The following SLC2A2 variants were observed in gnomAD, a reference collection of about 807,000 sequenced individuals.
SLC2A2 encodes solute carrier family 2, facilitated glucose transporter member 2.
SLC2A2 carries 36 observed loss-of-function variants against 54.5 expected under a neutral mutation model. The ratio of observed to expected loss-of-function variants is 0.66; its 90% CI spans 0.51 to 0.87. The LOEUF is 0.87. Ranked by LOEUF, SLC2A2 falls within the 40% of genes least tolerant of loss-of-function variation. The probability of loss-of-function intolerance (pLI) is 0.00; values close to 1 mark genes in which losing one functional copy is unlikely to be tolerated. For synonymous variants in SLC2A2, 223 were observed against 219.1 expected (o/e 1.02, Z -0.16); for missense variants, 543 against 624.3 (o/e 0.87, Z 1.39).
intron 4 of SLC2A2, 47 bp downstream of exon 4, chr3:171,009,911 A>AGGTG (rs1715796582): frequency 7.8e-7 from 1 of 1,274,414 alleles, no homozygotes; most frequent in Non-Finnish European, 1.0e-6. Context: ...AGACAAAGGT[A>AGGTG]GGTGTGTGTG....
intron 7 of SLC2A2, 69 bp from the exon 8 acceptor site, chr3:171,002,749 A>G: frequency 1.1e-6 from 1 of 873,582 alleles, no homozygotes; most frequent in South Asian, 1.4e-5. Flanking sequence ...AGCAAGAAAT[A>G]TTTTAGATTG....
intron 5 of SLC2A2, among the ~76,000 whole-genome samples, chr3:171,006,653 G>T (rs1715618162): frequency 6.6e-6 from 1 of 151,964 alleles, no homozygotes; most frequent in South Asian, 2.1e-4. Context: ...GTAGGTGTGG[G>T]GTCCCAGACT....
At position 170,998,293 on chromosome 3, in the gene SLC2A2, T is replaced by C. The variant is rs2108233129; in HGVS notation, c.1274A>G (p.Glu425Gly). Residue 425 changes from glutamate (E) to glycine (G), a missense_variant, in exon 10 of 11, where the codon GAG becomes GGG. Glu to Gly is a moderately conservative substitution (Grantham distance 98). Around this residue, in one of 3 missense-constraint regions of SLC2A2, gnomAD observed 117 missense variants for 179.2 expected, o/e 0.65. Coordinates refer to ENST00000314251, the MANE Select transcript of SLC2A2 (RefSeq NM_000340.2). ...PGPIPWFMVA[E>G]FFSQGPRPAA... ...AGGACGTGGTCCTTGACTGAAAAACTCAGCCACCATGAACCAGGGGATCGG... is the reference window on the plus strand; with the variant it reads ...AGGACGTGGTCCTTGACTGAAAAACCCAGCCACCATGAACCAGGGGATCGG... 6.2e-7 allele frequency: 1 copy of C among 1,613,776 alleles called. No homozygotes were observed. Among genetic ancestry groups the C allele is most frequent in the Non-Finnish European group, 8.5e-7 (1 of 1,179,804 alleles).
chr3:171,020,105 C>G (rs1049428312), intron 1 of SLC2A2, among the ~76,000 whole-genome samples: 26 of 152,114 alleles, frequency 1.7e-4, no homozygotes, highest in Admixed American at 1.4e-3. Context: ...AGCCACTTCC[C>G]TTATAGGAGC....
chr3:170,996,553 C>G lies in SLC2A2; in HGVS notation c.*1350G>C. ...TGGTGGAGAAAACAGCCTAGAGATACGTTAGCACCCTGCTAAGCTTTTGGG... is the reference window on the plus strand; with the variant it reads ...TGGTGGAGAAAACAGCCTAGAGATAGGTTAGCACCCTGCTAAGCTTTTGGG... On this transcript the variant is annotated 3_prime_UTR_variant, in exon 11 of 11. Coordinates refer to ENST00000314251, the MANE Select transcript of SLC2A2 (RefSeq NM_000340.2). 2.5e-6 allele frequency: 1 copy of G among 397,666 alleles called. No homozygotes were observed. The allele number at this position is 397,666 out of a possible 1,614,324, so 24.6% of individuals were successfully genotyped here. A position where few individuals can be genotyped will look rare whatever the true frequency, so the allele number is the denominator to read the frequency against.
chr3:170,998,308 C>G lies in SLC2A2; in HGVS notation c.1259G>C (p.Trp420Ser). ...ACTGAAAAACTCAGCCACCATGAAC[C>G]AGGGGATCGGGCCTGGCCCAATTTC... ...FFEIGPGPIP[W>S]FMVAEFFSQG... The change falls in exon 10 of 11, where the codon TGG becomes TCG. Residue 420 changes from tryptophan to serine, a missense_variant. Around this residue, in one of 3 missense-constraint regions of SLC2A2, gnomAD observed 117 missense variants for 179.2 expected, o/e 0.65. Coordinates refer to ENST00000314251, the MANE Select transcript of SLC2A2 (RefSeq NM_000340.2). 6.2e-7 allele frequency: 1 copy of G among 1,613,726 alleles called. No homozygotes were observed. Among genetic ancestry groups the G allele is most frequent in the Non-Finnish European group, 8.5e-7 (1 of 1,179,774 alleles).
intron 1 of SLC2A2, among the ~76,000 whole-genome samples, chr3:171,019,178 C>G (rs1446553623): frequency 7.2e-6 from 1 of 139,256 alleles, no homozygotes; most frequent in African/African-American, 2.6e-5. Flanking sequence ...TATTCAGAAT[C>G]AGGACTGAGA....
chr3:171,026,679 T>A lies in SLC2A2; in HGVS notation c.-9A>T. ...ACCTTATCTTCTGTCATTGTACTAG[T>A]TGGGAGTCCTGTCAATTCCAGGTCT... On this transcript the variant is annotated 5_prime_UTR_variant, in exon 1 of 11. Transcript: ENST00000314251. 6.2e-7 allele frequency: 1 copy of A among 1,612,964 alleles called. No homozygotes were observed. The highest frequency in any genetic ancestry group is 8.5e-7 in the Non-Finnish European group (1 of 1,178,902).
At chr3:171,001,594 T>C (rs1423705904) in intron 8 of SLC2A2, among the ~76,000 whole-genome samples, 4 of 152,000 alleles carry the variant, frequency 2.6e-5, no homozygotes, top group Non-Finnish European at 5.9e-5. Context: ...TAAATTATAT[T>C]GAGTATAGTA....
intron 1 of SLC2A2, among the ~76,000 whole-genome samples, chr3:171,024,458 G>A (rs1197931347): frequency 1.3e-5 from 2 of 152,098 alleles, no homozygotes; most frequent in African/African-American, 4.8e-5. Context: ...GGTCTTAAAC[G>A]CCACTGCTAA....
intron 3 of SLC2A2, among the ~76,000 whole-genome samples, chr3:171,013,758 A>T (rs1189915593): frequency 6.6e-6 from 1 of 152,220 alleles, no homozygotes; most frequent in Non-Finnish European, 1.5e-5. Context: ...AAAAATAATC[A>T]TTTGATATTC....
At chr3:171,023,374 C>G (rs1479011315) in intron 1 of SLC2A2, among the ~76,000 whole-genome samples, 2 of 152,172 alleles carry the variant, frequency 1.3e-5, no homozygotes, top group Non-Finnish European at 2.9e-5. Context: ...TAATTGCCCT[C>G]TCTGAACTCC....
At chr3:171,008,527 A>G (rs1173830373) in intron 4 of SLC2A2, among the ~76,000 whole-genome samples, 1 of 152,108 alleles carries the variant, frequency 6.6e-6, no homozygotes, top group Non-Finnish European at 1.5e-5. Flanking sequence ...AGGGCCAAAC[A>G]TAATTTTAGA....
chr3:170,998,906 T>C (rs1024332695), intron 9 of SLC2A2, among the ~76,000 whole-genome samples, 159 bp downstream of exon 9: 22 of 152,306 alleles, frequency 1.4e-4, no homozygotes, highest in African/African-American at 5.3e-4. Flanking sequence ...AGTTCATCTT[T>C]TCTTTATATA....
chr3:170,997,807 T>C lies in SLC2A2; in HGVS notation c.*96A>G. 1.0e-6 allele frequency: 1 copy of C among 980,916 alleles called. No individual in the cohort carries two copies. Among genetic ancestry groups the C allele is most frequent in the Non-Finnish European group, 1.6e-6 (1 of 624,248 alleles). 60.8% of individuals were successfully genotyped at this position (980,916 alleles called of 1,614,324 possible). A position where few individuals can be genotyped will look rare whatever the true frequency, so the allele number is the denominator to read the frequency against. ...AGAGCACATAAAAATAAAACAATAC[T>C]TAAAGATGTGGATATAAAATGCTCA... On this transcript the variant is annotated 3_prime_UTR_variant, in exon 11 of 11. Transcript: ENST00000314251.
chr3:170,996,883 C>A lies in SLC2A2; in HGVS notation c.*1020G>T. ...GAACATTTATGAAGTTTCAGAAGCC[C>A]ACACTCAGGAATCCTCAAACCCTAC... On this transcript the variant is annotated 3_prime_UTR_variant, in exon 11 of 11. Coordinates refer to ENST00000314251, the MANE Select transcript of SLC2A2 (RefSeq NM_000340.2). 2.6e-6 allele frequency: 1 copy of A among 383,310 alleles called. No individual in the cohort carries two copies. The highest frequency in any genetic ancestry group is 3.7e-5 in the East Asian group (1 of 27,306). 23.7% of individuals were successfully genotyped at this position (383,310 alleles called of 1,614,324 possible). A position where few individuals can be genotyped will look rare whatever the true frequency, so the allele number is the denominator to read the frequency against.
Position 170,999,104 on chromosome 3 carries a change from A to T in SLC2A2, c.1131T>A (p.Phe377Leu). Residue 377 changes from phenylalanine (F) to leucine (L), a missense_variant, in exon 9 of 11, where the codon TTT (phenylalanine) becomes TTA (leucine). Phe to Leu is a conservative substitution (Grantham distance 22). This residue lies in a region of SLC2A2 where 117 missense variants were observed against 179.2 expected (regional missense o/e 0.65). Coordinates refer to ENST00000314251, the MANE Select transcript of SLC2A2 (RefSeq NM_000340.2). ...CCACTGACATGAAGATGGCACAAACAAACATCCCACTCATTCCAATTAGAA... is the reference window on the plus strand; with the variant it reads ...CCACTGACATGAAGATGGCACAAACTAACATCCCACTCATTCCAATTAGAA... ...SLFLIGMSGM[F>L]VCAIFMSVGL... The T allele has an allele frequency of 6.2e-7, 1 of 1,613,124 alleles. No homozygotes were observed. Among genetic ancestry groups the T allele is most frequent in the South Asian group, 1.1e-5 (1 of 91,074 alleles).
intron 1 of SLC2A2, among the ~76,000 whole-genome samples, chr3:171,022,027 A>G (rs1049776795): frequency 4.6e-5 from 7 of 152,152 alleles, no homozygotes; most frequent in African/African-American, 1.7e-4. Flanking sequence ...TCTCATCTGT[A>G]AAGTCTTTTG....
chr3:171,010,377 G>A (rs547295289), intron 3 of SLC2A2, among the ~76,000 whole-genome samples: 1 of 152,210 alleles, frequency 6.6e-6, no homozygotes, highest in South Asian at 2.1e-4. Flanking sequence ...AGGCTGGAGT[G>A]CAAAGGCACC....
Sources: gnomAD v4.1 joint callset for allele counts (sites outside exome capture counted in the v4.1 genomes callset) on GRCh38, gnomAD v4.1.1 for gene constraint, gnomAD v4.1.1 regional missense constraint, MANE v1.5 for transcripts, NCBI Gene and HGNC (gene_info 2026-07-23, HGNC 2026-07-21) for gene names.